Variants in NKAIN2 observed in about 807,000 individuals in gnomAD.
The protein encoded by NKAIN2 is sodium/potassium-transporting ATPase subunit beta-1-interacting protein 2.
NKAIN2 carries 14 observed loss-of-function variants against 32.6 expected under a neutral mutation model. That is an observed-to-expected ratio of 0.43 (90% CI 0.28 to 0.67). The LOEUF is 0.67. Among genes scored for constraint, NKAIN2 ranks in the 30% least tolerant of loss-of-function variants. NKAIN2 has a pLI of 0.17. For missense variants in NKAIN2, 198 were observed against 258.3 expected (o/e 0.77, Z 1.60); for synonymous variants, 80 against 87.2 (o/e 0.92, Z 0.46).
rs1288253693 is a variant in NKAIN2, at chr6:124,229,497, TAGAC to T, written c.55-53504_55-53501del. 3.0e-3 allele frequency among the ~76,000 whole-genome samples: 382 copies of T among 127,238 alleles called. 3 individuals carry two copies. The highest frequency in any genetic ancestry group is 0.023 in the East Asian group (93 of 4,120). The allele number at this position is 127,238 out of a possible 152,430, so 83.5% of individuals were successfully genotyped here. On this transcript the variant is annotated intron_variant, in intron 1 of 6. Coordinates refer to ENST00000368417, the MANE Select transcript of NKAIN2 (RefSeq NM_001040214.3). Reference sequence around the variant, plus strand: ...GTATTTTCAAAGATAGATAGATAGATAGACAGATAGATAGATAGATAGATAGATA... The same window carrying T: ...GTATTTTCAAAGATAGATAGATAGATAGATAGATAGATAGATAGATAGATA...
intron 1 of NKAIN2, among the ~76,000 whole-genome samples, chr6:123,929,149 T>C (rs1776139222): frequency 6.6e-6 from 1 of 152,202 alleles, no homozygotes; most frequent in South Asian, 2.1e-4. Flanking sequence ...GTTTCATTTA[T>C]TGATTTATTA....
chr6:124,599,205 C>CT (rs1174897447), intron 3 of NKAIN2, among the ~76,000 whole-genome samples: 4 of 151,560 alleles, frequency 2.6e-5, no homozygotes, highest in Admixed American at 1.3e-4. Context: ...TCATCTTACT[C>CT]TTTTTTTATT....
chr6:124,086,236 G>A (rs774831042), intron 1 of NKAIN2, among the ~76,000 whole-genome samples: 6 of 151,908 alleles, frequency 3.9e-5, no homozygotes, highest in Non-Finnish European at 8.8e-5. Context: ...ATGATTATGA[G>A]GATGATTGAG....
intron 2 of NKAIN2, among the ~76,000 whole-genome samples, chr6:124,328,804 C>G (rs1316408994): frequency 6.6e-6 from 1 of 152,156 alleles, no homozygotes; most frequent in African/African-American, 2.4e-5. Context: ...AATGAAGAAA[C>G]TTCCTTTGGC....
At chr6:124,810,935 G>T (rs200099656) in intron 5 of NKAIN2, among the ~76,000 whole-genome samples, 5 of 142,016 alleles carry the variant, frequency 3.5e-5, no homozygotes, top group African/African-American at 1.0e-4. Flanking sequence ...AAAAAAAAAA[G>T]CTCAGAGTCC....
intron 5 of NKAIN2, among the ~76,000 whole-genome samples, chr6:124,795,396 A>T (rs1421172606): frequency 6.6e-6 from 1 of 152,128 alleles, no homozygotes; most frequent in Non-Finnish European, 1.5e-5. Flanking sequence ...GAGCTCAATG[A>T]GCAAAGACTC....
chr6:124,432,094 T>G (rs570498564), intron 3 of NKAIN2, among the ~76,000 whole-genome samples: 1 of 152,292 alleles, frequency 6.6e-6, no homozygotes, highest in East Asian at 1.9e-4. Context: ...AAGGAGATAT[T>G]GTAAGTGTCA....
In NKAIN2 at chr6:124,663,762, T is replaced by C. The variant is rs187894733; in HGVS notation, c.474+5376T>C. On this transcript the variant is annotated intron_variant, in intron 4 of 6. Transcript: ENST00000368417. ...TTTCAATTCTTTGCTTTCATTAAAA[T>C]TGAAGGAAGACCTAATAGATTTGTC... 1.6e-4 allele frequency among the ~76,000 whole-genome samples: 25 copies of C among 152,268 alleles called. No homozygotes were observed. In the East Asian group the frequency reaches 3.9e-3, roughly 24 times the overall value.
chr6:124,206,979 T>C (rs1468473336), intron 1 of NKAIN2, among the ~76,000 whole-genome samples: 1 of 151,776 alleles, frequency 6.6e-6, no homozygotes, highest in Non-Finnish European at 1.5e-5. Context: ...AACAATGGAT[T>C]GGTCAACTAT....
chr6:124,696,868 A>T (rs1237375596), intron 4 of NKAIN2, among the ~76,000 whole-genome samples: 2 of 151,738 alleles, frequency 1.3e-5, no homozygotes, highest in Non-Finnish European at 2.9e-5. Flanking sequence ...AACAATCAGT[A>T]CTTATTTAGG....
At chr6:123,825,223 C>A (rs1018543739) in intron 1 of NKAIN2, among the ~76,000 whole-genome samples, 3 of 152,136 alleles carry the variant, frequency 2.0e-5, no homozygotes, top group Non-Finnish European at 4.4e-5. Flanking sequence ...TTAATACCAT[C>A]ACCTTAGGGT....
At chr6:123,809,500 C>G (rs1485164430) in intron 1 of NKAIN2, among the ~76,000 whole-genome samples, 1 of 152,122 alleles carries the variant, frequency 6.6e-6, no homozygotes, top group African/African-American at 2.4e-5. Context: ...CATTTTCTTT[C>G]TCCAGGTTAT....
chr6:123,896,691 G>A (rs1291433745), intron 1 of NKAIN2, among the ~76,000 whole-genome samples: 1 of 152,110 alleles, frequency 6.6e-6, no homozygotes, highest in East Asian at 1.9e-4. Flanking sequence ...GGCTTCTTTT[G>A]TCAATCCACT....
Position 124,291,801 on chromosome 6 carries a change from T to C in NKAIN2, c.192+8659T>C, listed in dbSNP as rs1324746951. ...CCCCTGAAAGCCCTCAAGCCCCTAT[T>C]CCTTTATGGTATAAAAACTCAACCA... On this transcript the variant is annotated intron_variant, in intron 2 of 6. Coordinates refer to ENST00000368417, the MANE Select transcript of NKAIN2 (RefSeq NM_001040214.3). Among the ~76,000 whole-genome samples the C allele has an allele frequency of 2.0e-5, 3 of 152,166 alleles. No homozygotes were observed. The East Asian group carries it at 5.8e-4, about 29-fold the overall frequency.
chr6:124,296,593 T>A (rs1165241992), intron 2 of NKAIN2, among the ~76,000 whole-genome samples: 1 of 152,136 alleles, frequency 6.6e-6, no homozygotes, highest in Non-Finnish European at 1.5e-5. Context: ...AGATTATAGA[T>A]GTTGGAGAAT....
chr6:124,338,598 C>T (rs1031977549), intron 2 of NKAIN2, among the ~76,000 whole-genome samples: 1 of 152,050 alleles, frequency 6.6e-6, no homozygotes, highest in Non-Finnish European at 1.5e-5. Flanking sequence ...ATATTCAGAA[C>T]TCTAAATTTA....
chr6:124,672,957 G>A (rs1419665609), intron 4 of NKAIN2, among the ~76,000 whole-genome samples: 1 of 151,956 alleles, frequency 6.6e-6, no homozygotes, highest in Admixed American at 6.6e-5. Context: ...GCTGCTGACT[G>A]TATGCACATT....
chr6:124,684,257 C>T (rs1186023173), intron 4 of NKAIN2, among the ~76,000 whole-genome samples: 1 of 152,106 alleles, frequency 6.6e-6, no homozygotes, highest in East Asian at 1.9e-4. Flanking sequence ...AAAGACATAA[C>T]AGCAGTTAAC....
At chr6:124,308,666 A>G (rs1347634666) in intron 2 of NKAIN2, among the ~76,000 whole-genome samples, 3 of 152,170 alleles carry the variant, frequency 2.0e-5, no homozygotes, top group African/African-American at 4.8e-5. Context: ...ATCAAATTAA[A>G]TCTATCTTCT....
Sources: allele counts gnomAD v4.1 joint callset (sites outside exome capture counted in the v4.1 genomes callset), GRCh38; gene constraint gnomAD v4.1.1; transcripts MANE v1.5; gene names NCBI Gene and HGNC (gene_info 2026-07-23, HGNC 2026-07-21).